SCAI: variants seen among roughly 807,000 people sequenced by gnomAD.
SCAI encodes suppressor of cancer cell invasion.
A neutral mutation model predicts 92.2 loss-of-function variants in SCAI; 24 were observed. The ratio of observed to expected loss-of-function variants is 0.26; its 90% CI spans 0.19 to 0.37. The LOEUF (loss-of-function observed/expected upper bound fraction) is 0.37, where lower values mean the gene tolerates loss of function less well. Among genes scored for constraint, SCAI ranks in the 10% least tolerant of loss-of-function variants. SCAI has a pLI of 1.00. For synonymous variants in SCAI, 261 were observed against 258.6 expected, an observed-to-expected ratio of 1.01 and a Z score of -0.09; for missense variants, 450 against 736.2, an observed-to-expected ratio of 0.61 and a Z score of 4.50.
chr9:124,968,562 T>C, intron 17 of SCAI: 2 of 906,394 alleles, frequency 2.2e-6, no homozygotes, highest in South Asian at 2.6e-5. Flanking sequence ...AACATCATAG[T>C]CCTCAAACGT....
At chr9:125,009,410 T>C (rs573850467) in intron 9 of SCAI, among the ~76,000 whole-genome samples, 312 of 152,198 alleles carry the variant, frequency 2.0e-3, no homozygotes, top group Non-Finnish European at 2.5e-3. Flanking sequence ...GCTGGAATTA[T>C]AGGCACATGC....
At chr9:125,012,017 A>G (rs1564377949) in intron 9 of SCAI, among the ~76,000 whole-genome samples, 1 of 152,210 alleles carries the variant, frequency 6.6e-6, no homozygotes, top group Non-Finnish European at 1.5e-5. Flanking sequence ...GCCCTACAAG[A>G]GCTCCTGAAG....
Position 125,020,743 on chromosome 9 carries a change from C to A in SCAI, c.539G>T (p.Arg180Leu). Residue 180 changes from arginine (R) to leucine (L), a missense_variant, in exon 7 of 18, where the codon CGA becomes CTA. By Grantham distance (102) the Arg-to-Leu change is moderately radical. Coordinates refer to ENST00000336505, the MANE Select transcript of SCAI (RefSeq NM_001144877.3). ...DRPELVVKKL[R>L]YYARFIVVCL... ...AACTACTATAAATCTTGCATAATAT[C>A]GTAACTTCTTAACTACCAATTCAGG... is the stretch of plus-strand genomic sequence containing the variant. The A allele has an allele frequency of 6.6e-7, 1 of 1,508,748 alleles. No homozygotes were observed. Among genetic ancestry groups the A allele is most frequent in the South Asian group, 1.2e-5 (1 of 82,548 alleles). The allele number at this position is 1,508,748 out of a possible 1,614,324, so 93.5% of individuals were successfully genotyped here.
chr9:125,064,300 G>A (rs1219434675), intron 2 of SCAI, among the ~76,000 whole-genome samples: 1 of 152,024 alleles, frequency 6.6e-6, no homozygotes, highest in Non-Finnish European at 1.5e-5. Flanking sequence ...ACAAACTGCA[G>A]AATATGTCTT....
chr9:125,043,137 G>A (rs1299919947), intron 3 of SCAI, among the ~76,000 whole-genome samples: 3 of 151,432 alleles, frequency 2.0e-5, no homozygotes, highest in African/African-American at 7.3e-5. Context: ...CAAAGTGCTG[G>A]AATTACAGGC....
chr9:125,117,536 C>A (rs1006025486), intron 2 of SCAI, among the ~76,000 whole-genome samples: 2 of 151,760 alleles, frequency 1.3e-5, no homozygotes, highest in South Asian at 4.2e-4. Flanking sequence ...CATGATGGTG[C>A]GTGCCTGTAG....
intron 2 of SCAI, among the ~76,000 whole-genome samples, chr9:125,118,826 C>A (rs1270238935): frequency 1.3e-5 from 2 of 152,124 alleles, no homozygotes; most frequent in Admixed American, 1.3e-4. Context: ...CTGTGTTAGT[C>A]TGCTGAGGAT....
At chr9:125,126,995 C>T (rs375620870) in intron 2 of SCAI, among the ~76,000 whole-genome samples, 4 of 152,236 alleles carry the variant, frequency 2.6e-5, no homozygotes, top group South Asian at 4.1e-4. Flanking sequence ...AAGGGTAGAA[C>T]AATGAGTGCC....
chr9:125,136,460 T>C (rs948078989), intron 2 of SCAI, among the ~76,000 whole-genome samples: 9 of 138,592 alleles, frequency 6.5e-5, no homozygotes, highest in Non-Finnish European at 1.3e-4. Flanking sequence ...ACCTTTCTTT[T>C]TTTTTTTTTT....
intron 2 of SCAI, among the ~76,000 whole-genome samples, chr9:125,090,858 C>T (rs1452316355): frequency 1.3e-5 from 2 of 152,080 alleles, no homozygotes; most frequent in African/African-American, 2.4e-5. Context: ...GTGGCTCATG[C>T]CTGTAATCCC....
intron 2 of SCAI, among the ~76,000 whole-genome samples, chr9:125,076,594 G>T (rs1283594554): frequency 1.3e-5 from 2 of 152,014 alleles, no homozygotes; most frequent in Non-Finnish European, 2.9e-5. Context: ...TGGCTGGGTG[G>T]TGGCTCACCT....
At chr9:125,079,365 A>G (rs1834160623) in intron 2 of SCAI, among the ~76,000 whole-genome samples, 1 of 152,166 alleles carries the variant, frequency 6.6e-6, no homozygotes, top group Non-Finnish European at 1.5e-5. Flanking sequence ...GAGCCTTTTT[A>G]TTGCTTCATT....
rs528372727 is a variant in SCAI at position 125,019,970 on chromosome 9, AG to A, written c.609+702del. Among the ~76,000 whole-genome samples, 5 of 151,302 alleles carry A rather than the reference AG, an allele frequency of 3.3e-5. No homozygotes were observed. The South Asian group carries it at 8.4e-4, about 26-fold the overall frequency. The stretch of plus-strand genomic sequence containing the variant: ...GAGCCTATGATTCCAGCTACTCAGG[AG>A]GCTAAGGTGGGAGGACTGCTTGAGC... On this transcript the variant is annotated intron_variant, in intron 7 of 17. Transcript: ENST00000336505.
chr9:125,125,264 G>T (rs1430577334), intron 2 of SCAI, among the ~76,000 whole-genome samples: 1 of 152,114 alleles, frequency 6.6e-6, no homozygotes, highest in African/African-American at 2.4e-5. Context: ...CAGGCGCGGT[G>T]TCTCACGCCT....
At chr9:125,021,242 G>T (rs1348045004) in intron 6 of SCAI, among the ~76,000 whole-genome samples, 4 of 152,132 alleles carry the variant, frequency 2.6e-5, no homozygotes, top group Non-Finnish European at 5.9e-5. Flanking sequence ...ACGAAGCGTG[G>T]AAGACTACAG....
At chr9:125,049,834 G>A (rs934350582) in intron 3 of SCAI, among the ~76,000 whole-genome samples, 2 of 152,112 alleles carry the variant, frequency 1.3e-5, no homozygotes, top group Non-Finnish European at 2.9e-5. Context: ...TTTTCACTCT[G>A]CTCATAATGA....
chr9:125,023,854 C>A (rs942610451), intron 6 of SCAI, among the ~76,000 whole-genome samples: 1 of 152,020 alleles, frequency 6.6e-6, no homozygotes, highest in African/African-American at 2.4e-5. Context: ...TTAAATGCGT[C>A]AGTGCTGTCC....
intron 3 of SCAI, among the ~76,000 whole-genome samples, chr9:125,050,736 C>G (rs1833544855): frequency 6.6e-6 from 1 of 152,058 alleles, no homozygotes; most frequent in Non-Finnish European, 1.5e-5. Context: ...CCACACCCAG[C>G]TAATTTTTAA....
At chr9:125,009,869 A>C (rs966388570) in intron 9 of SCAI, among the ~76,000 whole-genome samples, 2 of 151,872 alleles carry the variant, frequency 1.3e-5, no homozygotes, top group African/African-American at 4.8e-5. Context: ...CTCCAGCCTG[A>C]GGGACAGAGT....
Sources: gnomAD v4.1 joint callset for allele counts (sites outside exome capture counted in the v4.1 genomes callset) on GRCh38, gnomAD v4.1.1 for gene constraint, MANE v1.5 for transcripts, NCBI Gene and HGNC (gene_info 2026-07-23, HGNC 2026-07-21) for gene names.